Variants in NLGN4X observed in about 807,000 individuals in gnomAD.
NLGN4X encodes neuroligin 4 X-linked.
In NLGN4X, 3 loss-of-function variants were observed where a neutral mutation model predicts 40.3. The ratio of observed to expected loss-of-function variants is 0.07; its 90% CI spans 0.03 to 0.19. The LOEUF (loss-of-function observed/expected upper bound fraction) is 0.19, where lower values mean the gene tolerates loss of function less well. Ranked by LOEUF, NLGN4X falls within the 10% of genes least tolerant of loss-of-function variation. The probability of loss-of-function intolerance (pLI) is 1.00; values close to 1 mark genes in which losing one functional copy is unlikely to be tolerated. For missense variants in NLGN4X, 382 were observed against 708.3 expected (o/e 0.54, Z 5.23); for synonymous variants, 270 against 306.8 (o/e 0.88, Z 1.25).
intron 2 of NLGN4X, among the ~76,000 whole-genome samples, chrX:6,112,876 T>C (rs1184671826): frequency 1.8e-5 from 2 of 110,739 alleles, no homozygotes; most frequent in Non-Finnish European, 3.8e-5. Context: ...ATCCATGGGA[T>C]CAAGGTTAGT....
intron 3 of NLGN4X, among the ~76,000 whole-genome samples, chrX:5,991,758 C>T (rs1225862357): frequency 8.9e-6 from 1 of 112,067 alleles, no homozygotes; most frequent in Non-Finnish European, 1.9e-5. Context: ...TAATTGAAAT[C>T]AGCAGTAAAG....
At chrX:5,923,457 T>C (rs145403902) in intron 3 of NLGN4X, among the ~76,000 whole-genome samples, 376 of 112,595 alleles carry the variant, frequency 3.3e-3, no homozygotes, top group Admixed American at 5.8e-3. Context: ...ACACTGCTCA[T>C]AGAGACATGC....
intron 3 of NLGN4X, among the ~76,000 whole-genome samples, chrX:6,017,611 T>C (rs1049187335): frequency 8.9e-6 from 1 of 111,866 alleles, no homozygotes; most frequent in Non-Finnish European, 1.9e-5. Flanking sequence ...GGACTTACAA[T>C]GGTTTGATTT....
At chrX:6,124,559 G>A (rs1169214621) in intron 2 of NLGN4X, among the ~76,000 whole-genome samples, 1 of 111,429 alleles carries the variant, frequency 9.0e-6, no homozygotes, top group Non-Finnish European at 1.9e-5. Context: ...GTGTGCACCT[G>A]TGATCCCAGC....
At chrX:5,945,614 G>C (rs1448747697) in intron 3 of NLGN4X, among the ~76,000 whole-genome samples, 2 of 111,407 alleles carry the variant, frequency 1.8e-5, no homozygotes, top group Non-Finnish European at 3.8e-5. Context: ...TCCCAGGAAA[G>C]CCAGGAGGTG....
chrX:6,199,373 A>G (rs1923396795), intron 1 of NLGN4X, among the ~76,000 whole-genome samples: 1 of 111,977 alleles, frequency 8.9e-6, no homozygotes, highest in Admixed American at 9.5e-5. Context: ...AGAAAATATT[A>G]ATGAATAAAA....
At chrX:5,994,567 C>T (rs1435143638) in intron 3 of NLGN4X, among the ~76,000 whole-genome samples, 1 of 112,223 alleles carries the variant, frequency 8.9e-6, no homozygotes, top group Non-Finnish European at 1.9e-5. Flanking sequence ...AACTACGCTA[C>T]CAACCTACCC....
At chrX:5,942,907 C>A (rs2033995479) in intron 3 of NLGN4X, among the ~76,000 whole-genome samples, 1 of 110,708 alleles carries the variant, frequency 9.0e-6, no homozygotes, top group Non-Finnish European at 1.9e-5. Flanking sequence ...AGTCATCCAC[C>A]CAAGATTCTC....
intron 1 of NLGN4X, among the ~76,000 whole-genome samples, chrX:6,183,198 A>G (rs983085282): frequency 2.7e-5 from 3 of 112,624 alleles, no homozygotes; most frequent in Non-Finnish European, 5.6e-5. Flanking sequence ...AAGCCCGGAA[A>G]ACCCAAATCA....
At chrX:5,938,617 T>C (rs146729863) in intron 3 of NLGN4X, among the ~76,000 whole-genome samples, 1,871 of 109,618 alleles carry the variant, frequency 0.017, 47 homozygotes, top group African/African-American at 0.059. Context: ...TTCAGGGTTA[T>C]GGGTTAACTC....
intron 3 of NLGN4X, among the ~76,000 whole-genome samples, chrX:5,912,090 T>G (rs2146774190): frequency 8.9e-6 from 1 of 112,160 alleles, no homozygotes; most frequent in African/African-American, 3.2e-5. Flanking sequence ...AAAACTTTTA[T>G]TTTAGGTTCA....
chrX:5,977,565 A>AT (rs1239525729), intron 3 of NLGN4X, among the ~76,000 whole-genome samples: 2 of 110,289 alleles, frequency 1.8e-5, no homozygotes, highest in Non-Finnish European at 3.8e-5. Context: ...TGTAACAATG[A>AT]TTTTTTTCTT....
At chrX:6,010,850 T>C (rs184917009) in intron 3 of NLGN4X, among the ~76,000 whole-genome samples, 1 of 111,172 alleles carries the variant, frequency 9.0e-6, no homozygotes, top group East Asian at 2.8e-4. Context: ...TCTACATCAA[T>C]TTAGGGATTA....
chrX:5,938,689 G>A (rs1324965841), intron 3 of NLGN4X, among the ~76,000 whole-genome samples: 6 of 110,777 alleles, frequency 5.4e-5, no homozygotes, highest in Non-Finnish European at 1.1e-4. Flanking sequence ...TTCTGTTTAG[G>A]GTCAGTATTA....
At chrX:6,163,758 C>T (rs968347786) in intron 1 of NLGN4X, among the ~76,000 whole-genome samples, 6 of 112,194 alleles carry the variant, frequency 5.3e-5, no homozygotes, top group Non-Finnish European at 1.1e-4. Flanking sequence ...GAAGATGATA[C>T]CACACTGAAC....
At chrX:5,901,491 T>C (rs1569116672) in intron 5 of NLGN4X, among the ~76,000 whole-genome samples, 1 of 111,698 alleles carries the variant, frequency 9.0e-6, no homozygotes, top group Non-Finnish European at 1.9e-5. Context: ...AATGCCACAA[T>C]GTTTGGAGCT....
chrX:5,950,096 A>G (rs1213077858), intron 3 of NLGN4X, among the ~76,000 whole-genome samples: 1 of 111,808 alleles, frequency 8.9e-6, no homozygotes, highest in Non-Finnish European at 1.9e-5. Flanking sequence ...GCAATAATCA[A>G]TGCCCGGAAA....
chrX:6,197,053 A>G (rs960885441), intron 1 of NLGN4X, among the ~76,000 whole-genome samples: 1 of 111,867 alleles, frequency 8.9e-6, no homozygotes, highest in Non-Finnish European at 1.9e-5. Context: ...CAGTGATGTG[A>G]TTCACTCTCG....
chrX:5,925,384 C>A (rs2033230672), intron 3 of NLGN4X, among the ~76,000 whole-genome samples: 1 of 111,726 alleles, frequency 9.0e-6, no homozygotes, highest in African/African-American at 3.2e-5. Flanking sequence ...TACAATTCTT[C>A]TTCTCATTTT....
Sources: allele counts gnomAD v4.1 joint callset (sites outside exome capture counted in the v4.1 genomes callset), GRCh38; gene constraint gnomAD v4.1.1; transcripts MANE v1.5; gene names NCBI Gene and HGNC (gene_info 2026-07-23, HGNC 2026-07-21).